Variants in DNAH10 observed in about 807,000 individuals in gnomAD.
The protein encoded by DNAH10 is axonemal beta dynein heavy chain 10.
Under a neutral mutation model 506.6 loss-of-function variants are expected in DNAH10, and 348 were observed. That is an observed-to-expected ratio of 0.69 (90% confidence interval 0.63 to 0.75). DNAH10 has a LOEUF of 0.75. Ranked by LOEUF, DNAH10 falls within the 30% of genes least tolerant of loss-of-function variation. The pLI, the probability that DNAH10 is intolerant of heterozygous loss-of-function variation, is 0.00. For missense variants in DNAH10, 5,179 were observed against 5,787.1 expected, an observed-to-expected ratio of 0.89 and a Z score of 3.41; for synonymous variants, 2,059 against 2,198.6, an observed-to-expected ratio of 0.94 and a Z score of 1.78.
rs753495056 is a variant in DNAH10 at position 123,820,778 on chromosome 12, C to G, written c.4179+20C>G. ...CTAAAGGTGAGCATCTCCCTGAAAG[C>G]GAAGGACTCAGGCTCACTGAAGGGG... On this transcript the variant is annotated intron_variant, in intron 24 of 78. Coordinates refer to ENST00000673944, the MANE Select transcript of DNAH10 (RefSeq NM_001372106.1). 1 of 1,612,700 alleles carries G rather than the reference C, an allele frequency of 6.2e-7. No individual in the cohort carries two copies. Among genetic ancestry groups the G allele is most frequent in the Admixed American group, 1.7e-5 (1 of 59,916 alleles).
chr12:123,875,167 A>C, intron 46 of DNAH10, 64 bp from the exon 47 acceptor site: 1 of 1,529,482 alleles, frequency 6.5e-7, no homozygotes. Context: ...ATGGTCAGCC[A>C]ACGCCTCTCT....
intron 9 of DNAH10, among the ~76,000 whole-genome samples, chr12:123,786,379 G>A (rs1957853106): frequency 1.4e-5 from 2 of 146,918 alleles, no homozygotes; most frequent in Admixed American, 6.8e-5. Context: ...TTGTGCAGCC[G>A]TAACCACTAT....
At chr12:123,769,541 C>T (rs73420368) in intron 2 of DNAH10, among the ~76,000 whole-genome samples, 4,748 of 152,034 alleles carry the variant, frequency 0.031, 177 homozygotes, top group African/African-American at 0.082. Flanking sequence ...CTGAGGTATC[C>T]TAGGAAGGCA....
chr12:123,905,192 C>T (rs1292579764), intron 57 of DNAH10, among the ~76,000 whole-genome samples: 2 of 152,152 alleles, frequency 1.3e-5, no homozygotes, highest in East Asian at 1.9e-4. Context: ...TGAACTTCCC[C>T]GATATTTTAG....
intron 14 of DNAH10, among the ~76,000 whole-genome samples, chr12:123,800,012 T>C (rs1361071487): frequency 6.6e-6 from 1 of 152,178 alleles, no homozygotes; most frequent in East Asian, 1.9e-4. Flanking sequence ...AATTGCTCCA[T>C]TTTCAAATGC....
chr12:123,785,876 G>T lies in DNAH10; in HGVS notation c.1361G>T (p.Arg454Leu). Residue 454 changes from arginine (R) to leucine (L), a missense_variant, in exon 9 of 79, where the codon CGC becomes CTC. Physicochemically the swap from Arg to Leu is moderately radical, Grantham distance 102. Around this residue, in one of 3 missense-constraint regions of DNAH10, gnomAD observed 4,844 missense variants for 5,430.5 expected, o/e 0.89. Transcript: ENST00000673944. The surrounding 1 kb of genome is among the most constrained non-coding windows in gnomAD (Gnocchi z 4.1). ...GAGAGGATGATTCCGCTCATGGAGC[G>T]CATCGCCTGGGAAATCGCTGAGAGA... ...KDERMIPLME[R>L]IAWEIAERVC... 2.5e-6 allele frequency: 4 copies of T among 1,614,136 alleles called. No individual in the cohort carries two copies. The highest frequency in any genetic ancestry group is 3.4e-6 in the Non-Finnish European group (4 of 1,179,972).
intron 24 of DNAH10, among the ~76,000 whole-genome samples, chr12:123,823,297 T>C (rs553332905): frequency 1.3e-5 from 2 of 151,970 alleles, no homozygotes; most frequent in South Asian, 2.1e-4. Context: ...GGAAATGGGG[T>C]TGGGATGTGC....
chr12:123,920,956 G>A (rs916893333), intron 65 of DNAH10, among the ~76,000 whole-genome samples: 2 of 152,078 alleles, frequency 1.3e-5, no homozygotes, highest in African/African-American at 4.8e-5. Context: ...AAAATTTGTA[G>A]AGATGGTGGT....
At position 123,805,151 on chromosome 12, in the gene DNAH10, G is replaced by A; in HGVS notation, c.2987+111G>A. 7.8e-6 allele frequency: 9 copies of A among 1,154,544 alleles called. No individual in the cohort carries two copies. The East Asian group carries it at 1.3e-4, about 16-fold the overall frequency. 71.5% of individuals were successfully genotyped at this position (1,154,544 alleles called of 1,614,324 possible). A position where few individuals can be genotyped will look rare whatever the true frequency, so the allele number is the denominator to read the frequency against. ...GTAGAGAATGAAAATCAGTTGGATGGTCAGAGGCTTTCTGGCAGAAGGGCA... is the reference window on the plus strand; with the variant it reads ...GTAGAGAATGAAAATCAGTTGGATGATCAGAGGCTTTCTGGCAGAAGGGCA... On this transcript the variant is annotated intron_variant, in intron 18 of 78. Coordinates refer to ENST00000673944, the MANE Select transcript of DNAH10 (RefSeq NM_001372106.1).
intron 65 of DNAH10, among the ~76,000 whole-genome samples, chr12:123,921,007 A>G (rs1954696546): frequency 1.3e-5 from 2 of 152,270 alleles, no homozygotes; most frequent in Non-Finnish European, 1.5e-5. Context: ...TCCTGGGCTT[A>G]AGGGATCCTC....
intron 28 of DNAH10, among the ~76,000 whole-genome samples, chr12:123,836,318 G>C (rs1249383203): frequency 6.6e-6 from 1 of 152,222 alleles, no homozygotes; most frequent in African/African-American, 2.4e-5. Context: ...GGAGTGGGCT[G>C]ACATTAGTTT....
chr12:123,802,730 C>CTTT (rs772071953), intron 16 of DNAH10, among the ~76,000 whole-genome samples: 2 of 132,032 alleles, frequency 1.5e-5, no homozygotes, highest in African/African-American at 2.7e-5. Flanking sequence ...TTTGCTGTCA[C>CTTT]TTTTTTTTTT....
intron 13 of DNAH10, 57 bp from the exon 14 acceptor site, chr12:123,799,189 G>GGTGAT: frequency 8.2e-7 from 1 of 1,220,164 alleles, no homozygotes; most frequent in Admixed American, 2.4e-5. Flanking sequence ...TGTGTAGAGC[G>GGTGAT]AGATGAAAAA....
intron 7 of DNAH10, among the ~76,000 whole-genome samples, chr12:123,783,590 G>A (rs1204139924): frequency 6.6e-6 from 1 of 152,200 alleles, no homozygotes; most frequent in Non-Finnish European, 1.5e-5. Flanking sequence ...CAGAGGCAGG[G>A]TTGGCTTCAG....
At position 123,913,136 on chromosome 12, in the gene DNAH10, G is replaced by A; in HGVS notation, c.10173G>A (p.Arg3391=). The A allele has an allele frequency of 6.2e-7, 1 of 1,611,964 alleles. No homozygotes were observed. The highest frequency in any genetic ancestry group is 8.5e-7 in the Non-Finnish European group (1 of 1,179,426). Residue 3391 remains arginine, a synonymous_variant, in exon 60 of 79, where the codon CGG becomes CGA. Transcript: ENST00000673944. This position sits in a 1 kb window ranked among gnomAD's most constrained non-coding sequence, Gnocchi z 5.1. ...RLERNFYLTK[R]ELERIQNELA... ...AGCGGAATTTTTACCTCACTAAACG[G>A]GAACTGGAAAGGATCCAGAATGAGT... is the stretch of plus-strand genomic sequence containing the variant.
intron 40 of DNAH10, among the ~76,000 whole-genome samples, chr12:123,865,452 A>T (rs6488907): frequency 6.6e-6 from 1 of 151,972 alleles, no homozygotes; most frequent in Non-Finnish European, 1.5e-5. Flanking sequence ...TCAGTGCATG[A>T]AATATTTGTA....
chr12:123,920,725 G>A (rs964444906), intron 65 of DNAH10, among the ~76,000 whole-genome samples: 1 of 152,138 alleles, frequency 6.6e-6, no homozygotes. Context: ...ATAATTGGTT[G>A]TGTCACTTAA....
rs1002010033 is a variant in DNAH10 at position 123,935,448 on chromosome 12, G to A, written c.13737G>A (p.Leu4579=). ...FTTRHISHWV[L]QGVCLTLNSD The stretch of plus-strand genomic sequence containing the variant: ...CGAGGCACATTTCTCACTGGGTGCT[G>A]CAAGGAGTATGCCTCACCCTGAATT... Residue 4579 remains leucine, a synonymous_variant, in exon 79 of 79, where the codon CTG becomes CTA. Coordinates refer to ENST00000673944, the MANE Select transcript of DNAH10 (RefSeq NM_001372106.1). 20 of 1,606,230 alleles carry A rather than the reference G, an allele frequency of 1.2e-5. No homozygotes were observed. In the African/African-American group the frequency reaches 2.4e-4, roughly 19 times the overall value.
At chr12:123,842,526 C>G (rs1203906736) in intron 30 of DNAH10, among the ~76,000 whole-genome samples, 1 of 152,210 alleles carries the variant, frequency 6.6e-6, no homozygotes, top group East Asian at 1.9e-4. Context: ...ACACCATTCT[C>G]TTGATTTTGT....
Sources: gnomAD v4.1 joint callset for allele counts (sites outside exome capture counted in the v4.1 genomes callset) on GRCh38, gnomAD v4.1.1 for gene constraint, gnomAD v4.1.1 regional missense constraint, Gnocchi (gnomAD v3.1) non-coding constraint, MANE v1.5 for transcripts, NCBI Gene and HGNC (gene_info 2026-07-23, HGNC 2026-07-21) for gene names.